Variants in ACVR1B observed in about 807,000 individuals in gnomAD.
ACVR1B encodes the protein activin A receptor type 1B.
Under a neutral mutation model 55.6 loss-of-function variants are expected in ACVR1B, and 15 were observed. The observed-to-expected ratio is 0.27, with a 90% CI of 0.18 to 0.42. The LOEUF is 0.42. ACVR1B is among the 10% of genes least tolerant of loss of function. ACVR1B has a pLI of 1.00. For synonymous variants in ACVR1B, 247 were observed against 254.6 expected (o/e 0.97, Z 0.28); for missense variants, 359 against 670.1 (o/e 0.54, Z 5.13).
chr12:51,988,161 C>G (rs529969424), intron 7 of ACVR1B, among the ~76,000 whole-genome samples: 1 of 152,130 alleles, frequency 6.6e-6, no homozygotes, highest in African/African-American at 2.4e-5. Context: ...AAATTTTGAT[C>G]AGTATATGCA....
chr12:51,983,928 C>T, intron 4 of ACVR1B, 71 bp from the exon 5 acceptor site: 4 of 1,534,050 alleles, frequency 2.6e-6, no homozygotes, highest in Non-Finnish European at 3.6e-6. Context: ...TGTATACACT[C>T]ATCCTTACCA....
rs1942285032 is a variant in ACVR1B at position 51,995,639 on chromosome 12, A to G, written c.*1529A>G. The G allele has an allele frequency of 6.6e-6, 1 of 152,494 alleles. No individual in the cohort carries two copies. Among genetic ancestry groups the G allele is most frequent in the Non-Finnish European group, 1.5e-5 (1 of 68,018 alleles). 9.4% of individuals were successfully genotyped at this position (152,494 alleles called of 1,614,324 possible). On this transcript the variant is annotated 3_prime_UTR_variant, in exon 9 of 9. Coordinates refer to ENST00000257963, the MANE Select transcript of ACVR1B (RefSeq NM_004302.5). ...TAAATATTAAGTTTTTGTAAAAGGA[A>G]AACCATCTCTGTGATTACCTCTCAA...
intron 1 of ACVR1B, among the ~76,000 whole-genome samples, chr12:51,965,051 T>C (rs1941613932): frequency 6.6e-6 from 1 of 152,238 alleles, no homozygotes; most frequent in Non-Finnish European, 1.5e-5. Context: ...TCATCTGATG[T>C]ATATAATTTA....
At chr12:51,989,951 C>T (rs1942157004) in intron 7 of ACVR1B, among the ~76,000 whole-genome samples, 1 of 152,036 alleles carries the variant, frequency 6.6e-6, no homozygotes, top group South Asian at 2.1e-4. Flanking sequence ...TGCCACTGCA[C>T]TCCAGCCTGG....
chr12:51,972,840 A>C (rs1941772215), intron 1 of ACVR1B, among the ~76,000 whole-genome samples: 1 of 152,104 alleles, frequency 6.6e-6, no homozygotes, highest in Non-Finnish European at 1.5e-5. Flanking sequence ...GGCCTTTCTC[A>C]GAGGACCCGC....
At chr12:51,970,330 T>C (rs534764295) in intron 1 of ACVR1B, among the ~76,000 whole-genome samples, 1 of 152,266 alleles carries the variant, frequency 6.6e-6, no homozygotes, top group East Asian at 1.9e-4. Flanking sequence ...CTCCATCGTT[T>C]TACTGGTTTA....
intron 1 of ACVR1B, among the ~76,000 whole-genome samples, chr12:51,966,863 AATG>A (rs1941651442): frequency 1.3e-5 from 2 of 152,228 alleles, no homozygotes; most frequent in Non-Finnish European, 2.9e-5. Flanking sequence ...TAGGTATGAT[AATG>A]ATATTGTGGG....
chr12:51,955,484 A>AT (rs1273657499), intron 1 of ACVR1B, among the ~76,000 whole-genome samples: 3 of 152,244 alleles, frequency 2.0e-5, no homozygotes, highest in African/African-American at 7.2e-5. Flanking sequence ...GTCTGTTCTC[A>AT]TAATAGCTGA....
intron 1 of ACVR1B, chr12:51,953,568 G>T: frequency 2.1e-6 from 2 of 944,792 alleles, no homozygotes; most frequent in Non-Finnish European, 2.5e-6. Context: ...TTTGGAATGT[G>T]TAACATAATG....
chr12:51,968,719 G>T (rs924286903), intron 1 of ACVR1B, among the ~76,000 whole-genome samples: 8 of 152,186 alleles, frequency 5.3e-5, no homozygotes, highest in Non-Finnish European at 1.2e-4. Context: ...AAGGGCAGCT[G>T]TCATGCTATG....
chr12:51,984,562 G>C (rs1190580081), intron 5 of ACVR1B, among the ~76,000 whole-genome samples: 1 of 152,224 alleles, frequency 6.6e-6, no homozygotes, highest in Non-Finnish European at 1.5e-5. Flanking sequence ...GGGACAGCTG[G>C]CTTAAAGGCC....
chr12:51,965,050 G>A (rs566500487), intron 1 of ACVR1B, among the ~76,000 whole-genome samples: 3 of 152,168 alleles, frequency 2.0e-5, no homozygotes, highest in African/African-American at 7.2e-5. Context: ...CTCATCTGAT[G>A]TATATAATTT....
At chr12:51,993,887 A>C in intron 8 of ACVR1B, 98 bp from the exon 9 acceptor site, 1 of 1,465,802 alleles carries the variant, frequency 6.8e-7, no homozygotes, top group Non-Finnish European at 9.2e-7. Flanking sequence ...GCCAGACTGC[A>C]CTGAGCGGGA....
intron 6 of ACVR1B, among the ~76,000 whole-genome samples, chr12:51,986,344 C>T (rs1293237508): frequency 6.6e-6 from 1 of 152,184 alleles, no homozygotes; most frequent in African/African-American, 2.4e-5. Flanking sequence ...CTGCAGCCTC[C>T]GCCTCCCGGG....
chr12:51,975,790 C>A (rs181507562), intron 2 of ACVR1B, among the ~76,000 whole-genome samples: 5 of 152,142 alleles, frequency 3.3e-5, no homozygotes, highest in African/African-American at 1.2e-4. Context: ...GGGATTCCCA[C>A]GGGAGGATGT....
intron 6 of ACVR1B, 90 bp from the exon 7 acceptor site, chr12:51,986,728 C>T (rs2120713715): frequency 6.6e-7 from 1 of 1,507,104 alleles, no homozygotes; most frequent in South Asian, 1.3e-5. Context: ...GATACTCTTC[C>T]ACATTCAGAG....
chr12:51,990,709 T>A (rs1942173743), intron 7 of ACVR1B, among the ~76,000 whole-genome samples: 1 of 152,182 alleles, frequency 6.6e-6, no homozygotes, highest in African/African-American at 2.4e-5. Context: ...TTCCAATAAG[T>A]TTTATCCCCT....
Position 51,976,329 on chromosome 12 carries a change from C to G in ACVR1B, c.334C>G (p.His112Asp). The change falls in exon 3 of 9, where the codon CAC (histidine) becomes GAC (aspartate). Residue 112 changes from histidine (H) to aspartate (D), a missense_variant and splice_region_variant. Physicochemically the swap from His to Asp is moderately conservative, Grantham distance 81. Transcript: ENST00000257963. ...CTCTCCTCTCTCACTTGACTCAGGT[C>G]ACCTCAAGGAGCCTGAGCACCCGTC... ...NRIDLRVPSG[H>D]LKEPEHPSMW... 6.2e-7 allele frequency: 1 copy of G among 1,614,120 alleles called. No homozygotes were observed. The highest frequency in any genetic ancestry group is 8.5e-7 in the Non-Finnish European group (1 of 1,180,008).
chr12:51,954,266 T>C (rs1054106666), intron 1 of ACVR1B, among the ~76,000 whole-genome samples: 22 of 152,194 alleles, frequency 1.4e-4, no homozygotes, highest in African/African-American at 5.3e-4. Flanking sequence ...AGGCCAGTGA[T>C]AAGGAGAATG....
Sources: allele counts gnomAD v4.1 joint callset (sites outside exome capture counted in the v4.1 genomes callset), GRCh38; gene constraint gnomAD v4.1.1; transcripts MANE v1.5; gene names NCBI Gene and HGNC (gene_info 2026-07-23, HGNC 2026-07-21).